The following PLCH1 variants were observed in gnomAD, a reference collection of about 807,000 sequenced individuals.
PLCH1 encodes the protein phospholipase C eta 1.
A neutral mutation model predicts 126.7 loss-of-function variants in PLCH1; 60 were observed. The observed-to-expected ratio is 0.47, with a 90% CI of 0.38 to 0.59. The LOEUF is 0.59. Among genes scored for constraint, PLCH1 ranks in the 20% least tolerant of loss-of-function variants. The pLI, the probability that PLCH1 is intolerant of heterozygous loss-of-function variation, is 0.00. For synonymous variants in PLCH1, 719 were observed against 734.9 expected, an observed-to-expected ratio of 0.98 and a Z score of 0.35; for missense variants, 1,723 against 2,040.0, an observed-to-expected ratio of 0.84 and a Z score of 2.99.
chr3:155,546,520 C>G (rs377349395), intron 10 of PLCH1, among the ~76,000 whole-genome samples: 1 of 152,078 alleles, frequency 6.6e-6, no homozygotes, highest in African/African-American at 2.4e-5. Flanking sequence ...ACTTTCTTCA[C>G]AGAATTGGAA....
chr3:155,593,900 AGAGC>A (rs1349149534), intron 4 of PLCH1, 37 bp downstream of exon 4: 1 of 1,599,934 alleles, frequency 6.3e-7, no homozygotes, highest in East Asian at 2.2e-5. Flanking sequence ...GCATACACAG[AGAGC>A]AAGAGAGAGC....
At position 155,533,478 on chromosome 3, in the gene PLCH1, G is replaced by A. The variant is rs185581157; in HGVS notation, c.1363-9474C>T. ...GGAGAATTGCTTGAACTCAGGAGGCGGAGGTTGCAGTAAGCTGAGATCATG... is the reference window on the plus strand; with the variant it reads ...GGAGAATTGCTTGAACTCAGGAGGCAGAGGTTGCAGTAAGCTGAGATCATG... On this transcript the variant is annotated intron_variant, in intron 10 of 22. Coordinates refer to ENST00000460012, the MANE Select transcript of PLCH1 (RefSeq NM_014996.4). 7.5e-3 allele frequency among the ~76,000 whole-genome samples: 1,136 copies of A among 152,242 alleles called. 10 individuals carry two copies. Among genetic ancestry groups the A allele is most frequent in the Non-Finnish European group, 0.012 (803 of 68,028 alleles).
At chr3:155,738,076 A>G (rs2109206319) in intron 1 of PLCH1, among the ~76,000 whole-genome samples, 1 of 152,294 alleles carries the variant, frequency 6.6e-6, no homozygotes, top group Non-Finnish European at 1.5e-5. Flanking sequence ...AGGCTAGACA[A>G]GTTTGTAAGT....
intron 2 of PLCH1, among the ~76,000 whole-genome samples, chr3:155,652,999 T>G (rs1740881780): frequency 6.6e-6 from 1 of 152,160 alleles, no homozygotes. Context: ...AATTGCATAA[T>G]TCCCAAAATC....
intron 21 of PLCH1, among the ~76,000 whole-genome samples, chr3:155,453,082 G>A (rs1054326606): frequency 1.3e-5 from 2 of 152,140 alleles, no homozygotes; most frequent in Non-Finnish European, 2.9e-5. Context: ...TCCAATAGAA[G>A]AGCCCTCCTC....
At chr3:155,721,932 A>G (rs893462022) in intron 1 of PLCH1, among the ~76,000 whole-genome samples, 1 of 152,018 alleles carries the variant, frequency 6.6e-6, no homozygotes, top group Non-Finnish European at 1.5e-5. Flanking sequence ...CTGTAATCTC[A>G]GCTACTCGGG....
At chr3:155,637,648 T>C (rs1340236739) in intron 2 of PLCH1, among the ~76,000 whole-genome samples, 3 of 152,222 alleles carry the variant, frequency 2.0e-5, no homozygotes, top group Admixed American at 1.3e-4. Context: ...AAATTAATTC[T>C]TATACTTCTC....
chr3:155,569,280 T>C (rs959188254), intron 6 of PLCH1, among the ~76,000 whole-genome samples: 2 of 152,204 alleles, frequency 1.3e-5, no homozygotes, highest in African/African-American at 4.8e-5. Context: ...AGGAAGCTAA[T>C]TTTGTGAGCT....
At chr3:155,647,041 G>A (rs1306786092) in intron 2 of PLCH1, among the ~76,000 whole-genome samples, 2 of 152,112 alleles carry the variant, frequency 1.3e-5, no homozygotes, top group African/African-American at 4.8e-5. Context: ...AACAAACACT[G>A]ATAGAGAACC....
chr3:155,636,243 C>T (rs1263208274), intron 2 of PLCH1, among the ~76,000 whole-genome samples: 1 of 152,014 alleles, frequency 6.6e-6, no homozygotes, highest in African/African-American at 2.4e-5. Flanking sequence ...ACCTAGACTT[C>T]CCTGGAATAG....
At chr3:155,690,316 T>C (rs992311382) in intron 2 of PLCH1, among the ~76,000 whole-genome samples, 1 of 152,226 alleles carries the variant, frequency 6.6e-6, no homozygotes, top group Admixed American at 6.5e-5. Flanking sequence ...TATTCTGAAA[T>C]ATAATGAAAG....
At chr3:155,576,509 T>C (rs1392954711) in intron 6 of PLCH1, among the ~76,000 whole-genome samples, 2 of 152,158 alleles carry the variant, frequency 1.3e-5, no homozygotes, top group Non-Finnish European at 2.9e-5. Context: ...TCTGAGAGCT[T>C]CAGTAAAATA....
intron 8 of PLCH1, among the ~76,000 whole-genome samples, chr3:155,554,900 G>A (rs1190037204): frequency 2.0e-5 from 3 of 152,172 alleles, no homozygotes; most frequent in African/African-American, 7.2e-5. Context: ...AACTATGATT[G>A]TTATTGATAC....
chr3:155,484,145 T>C (rs1418507103), intron 22 of PLCH1, among the ~76,000 whole-genome samples: 1 of 152,214 alleles, frequency 6.6e-6, no homozygotes, highest in South Asian at 2.1e-4. Context: ...TTACCGAAAC[T>C]TTAATACACA....
chr3:155,491,731 G>A (rs1252960241), intron 18 of PLCH1, among the ~76,000 whole-genome samples: 1 of 152,168 alleles, frequency 6.6e-6, no homozygotes, highest in Non-Finnish European at 1.5e-5. Flanking sequence ...GTTGGTGTTT[G>A]CTATGAGAGG....
At chr3:155,706,868 T>A (rs1746715934) in intron 1 of PLCH1, among the ~76,000 whole-genome samples, 1 of 152,120 alleles carries the variant, frequency 6.6e-6, no homozygotes. Flanking sequence ...ATTTAAGTGT[T>A]CTAGCTCACA....
chr3:155,659,590 C>T (rs758386464), intron 2 of PLCH1, among the ~76,000 whole-genome samples: 35 of 151,866 alleles, frequency 2.3e-4, no homozygotes, highest in African/African-American at 8.2e-4. Flanking sequence ...ACTCCACCTC[C>T]CAGGTTCAAG....
chr3:155,667,902 T>TAAA lies in PLCH1; in HGVS notation c.79+36243_79+36244insTTT, dbSNP rs766010793. Among the ~76,000 whole-genome samples the TAAA allele has an allele frequency of 1.9e-3, 180 of 95,090 alleles. 3 individuals carry two copies. Among genetic ancestry groups the TAAA allele is most frequent in the South Asian group, 8.2e-3 (20 of 2,434 alleles). 62.4% of individuals were successfully genotyped at this position (95,090 alleles called of 152,430 possible). ...CAACATGGCGAAACCCCATCTCTAC[T>TAAA]TAAAAAAAAAAAAAAAAAAAAAAAA... On this transcript the variant is annotated intron_variant, in intron 2 of 22. Transcript: ENST00000460012.
At chr3:155,628,787 G>T (rs746600808) in intron 2 of PLCH1, among the ~76,000 whole-genome samples, 6 of 152,190 alleles carry the variant, frequency 3.9e-5, no homozygotes, top group Non-Finnish European at 5.9e-5. Flanking sequence ...AGAAAGGGAT[G>T]AGAGTAAATC....
Sources: gnomAD v4.1 joint callset for allele counts (sites outside exome capture counted in the v4.1 genomes callset) on GRCh38, gnomAD v4.1.1 for gene constraint, MANE v1.5 for transcripts, NCBI Gene and HGNC (gene_info 2026-07-23, HGNC 2026-07-21) for gene names.